The following SPTBN1 variants were observed in gnomAD, a reference collection of about 807,000 sequenced individuals.
SPTBN1 encodes the protein spectrin beta chain, non-erythrocytic 1.
SPTBN1 carries 32 observed loss-of-function variants against 266.4 expected under a neutral mutation model. The ratio of observed to expected loss-of-function variants is 0.12; its 90% CI spans 0.09 to 0.16. The LOEUF is 0.16. SPTBN1 is among the 10% of genes least tolerant of loss of function. The probability of loss-of-function intolerance (pLI) is 1.00; values close to 1 mark genes in which losing one functional copy is unlikely to be tolerated. For missense variants in SPTBN1, 2,296 were observed against 3,067.1 expected (o/e 0.75, Z 5.94); for synonymous variants, 1,336 against 1,162.2 (o/e 1.15, Z -3.04).
At chr2:54,663,060 T>C (rs1005178788) in intron 32 of SPTBN1, 1 of 152,262 alleles carries the variant, frequency 6.6e-6, no homozygotes. Flanking sequence ...TTCTCCCTCC[T>C]TCCAGAGCTT....
intron 1 of SPTBN1, among the ~76,000 whole-genome samples, chr2:54,466,177 A>G (rs187642520): frequency 1.3e-5 from 2 of 152,298 alleles, no homozygotes; most frequent in Admixed American, 1.3e-4. Context: ...TCTGATTTTT[A>G]ATATACAAAT....
intron 2 of SPTBN1, among the ~76,000 whole-genome samples, chr2:54,553,569 C>T (rs1162467961): frequency 6.6e-6 from 1 of 152,174 alleles, no homozygotes; most frequent in African/African-American, 2.4e-5. Flanking sequence ...GGACTTGACA[C>T]CGATGAAGAA....
rs915759769 is a variant in SPTBN1 at position 54,540,970 on chromosome 2, T to G, written c.148+14404T>G. Among the ~76,000 whole-genome samples, 1 of 152,254 alleles carries G rather than the reference T, an allele frequency of 6.6e-6. No individual in the cohort carries two copies. Among genetic ancestry groups the G allele is most frequent in the African/African-American group, 2.4e-5 (1 of 41,466 alleles). On this transcript the variant is annotated intron_variant, in intron 2 of 35. Coordinates refer to ENST00000356805, the MANE Select transcript of SPTBN1 (RefSeq NM_003128.3). This position sits in a 1 kb window ranked among gnomAD's most constrained non-coding sequence, Gnocchi z 5.6. ...AGTGGAGGAGAATGTTGTCGTCGTT[T>G]TAACTGATGTGTAATTTAAGCCTTT...
At chr2:54,481,399 TG>T (rs1668091691) in intron 1 of SPTBN1, among the ~76,000 whole-genome samples, 1 of 50,492 alleles carries the variant, frequency 2.0e-5, no homozygotes, top group Non-Finnish European at 4.1e-5. Context: ...TGAGTGTGTG[TG>T]TGTGTGTGTG....
intron 27 of SPTBN1, among the ~76,000 whole-genome samples, chr2:54,654,669 T>C (rs764591591): frequency 6.6e-6 from 1 of 152,208 alleles, no homozygotes; most frequent in Non-Finnish European, 1.5e-5. Flanking sequence ...CCTGAATCTT[T>C]GACAGCTAAC....
intron 27 of SPTBN1, 38 bp from the exon 28 acceptor site, chr2:54,655,032 T>G: frequency 6.3e-7 from 1 of 1,577,574 alleles, no homozygotes; most frequent in African/African-American, 1.4e-5. Flanking sequence ...TTTGAAAAGC[T>G]TGATCTCCTA....
intron 18 of SPTBN1, among the ~76,000 whole-genome samples, chr2:54,641,409 A>G (rs1679547569): frequency 6.6e-6 from 1 of 152,188 alleles, no homozygotes; most frequent in African/African-American, 2.4e-5. Flanking sequence ...GTGTGTATGT[A>G]CAGAATACTG....
intron 1 of SPTBN1, among the ~76,000 whole-genome samples, chr2:54,494,915 T>G (rs986173663): frequency 3.7e-5 from 4 of 107,898 alleles, no homozygotes; most frequent in Non-Finnish European, 5.7e-5. Context: ...GCTGTTTTTT[T>G]TTAAAAAAAA....
intron 2 of SPTBN1, among the ~76,000 whole-genome samples, chr2:54,536,263 A>T (rs1671594127): frequency 6.6e-6 from 1 of 152,284 alleles, no homozygotes; most frequent in Admixed American, 6.5e-5. Flanking sequence ...TTGTAAAGTT[A>T]TGTGTATTTT....
chr2:54,573,112 G>A (rs539913940), intron 2 of SPTBN1, among the ~76,000 whole-genome samples: 1 of 152,220 alleles, frequency 6.6e-6, no homozygotes, highest in Non-Finnish European at 1.5e-5. Flanking sequence ...GTCTGCAGAT[G>A]TGAATTATGT....
At chr2:54,661,493 A>G in intron 32 of SPTBN1, 1 of 985,420 alleles carries the variant, frequency 1.0e-6, no homozygotes, top group East Asian at 1.1e-4. Context: ...GTTTTTCCTT[A>G]TCTCTATGTA....
rs1426296541 is a variant in SPTBN1, at chr2:54,487,832, C to CTCTTTTTTTTTTTTTTTTTTTT, written c.-48+31315_-48+31316insCTTTTTTTTTTTTTTTTTTTTT. Among the ~76,000 whole-genome samples the CTCTTTTTTTTTTTTTTTTTTTT allele has an allele frequency of 9.8e-3, 673 of 68,656 alleles. 51 individuals are homozygous for CTCTTTTTTTTTTTTTTTTTTTT. Among genetic ancestry groups the CTCTTTTTTTTTTTTTTTTTTTT allele is most frequent in the Middle Eastern group, 0.093 (5 of 54 alleles). The allele number at this position is 68,656 out of a possible 152,430, so 45.0% of individuals were successfully genotyped here. A position where few individuals can be genotyped will look rare whatever the true frequency, so the allele number is the denominator to read the frequency against. ...TTCACTTGATGGTCTCCTCCTGTGT[C>CTCTTTTTTTTTTTTTTTTTTTT]TTTTTTTTTTTTTTTGAGACGGAGT... On this transcript the variant is annotated intron_variant, in intron 1 of 35. Transcript: ENST00000356805.
At chr2:54,507,081 TG>T (rs999472649) in intron 1 of SPTBN1, among the ~76,000 whole-genome samples, 7 of 151,644 alleles carry the variant, frequency 4.6e-5, no homozygotes, top group African/African-American at 1.7e-4. Context: ...TTCTCAAGGG[TG>T]GGGAGATTAT....
At chr2:54,657,731 G>C in intron 29 of SPTBN1, 119 bp from the exon 30 acceptor site, 2 of 1,210,832 alleles carry the variant, frequency 1.7e-6, no homozygotes, top group Non-Finnish European at 2.3e-6. Flanking sequence ...ATTTAGAGTA[G>C]ACGATAGACT....
chr2:54,671,111 A>G lies in SPTBN1; in HGVS notation c.*2542A>G. The G allele has an allele frequency of 3.6e-6, 1 of 274,202 alleles. No homozygotes were observed. Among genetic ancestry groups the G allele is most frequent in the East Asian group, 6.0e-5 (1 of 16,540 alleles). The allele number at this position is 274,202 out of a possible 1,614,324, so 17.0% of individuals were successfully genotyped here. On this transcript the variant is annotated 3_prime_UTR_variant, in exon 36 of 36. Transcript: ENST00000356805. ...AATCTGAAGAGTAAGAAGTAGTGAA[A>G]ATAAGGCTTAGGATATGAAATGGCG...
At chr2:54,634,124 T>C (rs1259249606) in intron 17 of SPTBN1, among the ~76,000 whole-genome samples, 2 of 152,228 alleles carry the variant, frequency 1.3e-5, no homozygotes, top group Non-Finnish European at 2.9e-5. Context: ...ATATCCTATG[T>C]ACTTCCATGT....
chr2:54,565,851 G>T (rs1239781453), intron 2 of SPTBN1, among the ~76,000 whole-genome samples: 1 of 152,168 alleles, frequency 6.6e-6, no homozygotes, highest in Admixed American at 6.5e-5. Flanking sequence ...TCCTTTTAAA[G>T]AAAACTTCTA....
At chr2:54,616,114 GTTTATTC>G (rs1677589783) in intron 4 of SPTBN1, 86 bp from the exon 5 acceptor site, 1 of 1,042,262 alleles carries the variant, frequency 9.6e-7, no homozygotes, top group Non-Finnish European at 1.4e-6. Flanking sequence ...ATGATCTACA[GTTTATTC>G]TTTATGTATA....
At chr2:54,632,495 C>A in intron 16 of SPTBN1, 71 bp from the exon 17 acceptor site, 4 of 1,459,136 alleles carry the variant, frequency 2.7e-6, no homozygotes, top group Non-Finnish European at 3.8e-6. Context: ...CTATGTTGCA[C>A]GGAAATGTAG....
Sources: allele counts gnomAD v4.1 joint callset (sites outside exome capture counted in the v4.1 genomes callset), GRCh38; gene constraint gnomAD v4.1.1; non-coding constraint Gnocchi (gnomAD v3.1); transcripts MANE v1.5; gene names NCBI Gene and HGNC (gene_info 2026-07-23, HGNC 2026-07-21).